Variants in DEPTOR observed in about 807,000 individuals in gnomAD.
DEPTOR encodes DEP domain containing MTOR interacting protein.
A neutral mutation model predicts 41.6 loss-of-function variants in DEPTOR; 41 were observed. The ratio of observed to expected loss-of-function variants is 0.98; its 90% CI spans 0.77 to 1.28. The LOEUF (loss-of-function observed/expected upper bound fraction) is 1.28, where lower values mean the gene tolerates loss of function less well. Among genes scored for constraint, DEPTOR ranks in the 50% most tolerant of loss-of-function variants. The pLI, the probability that DEPTOR is intolerant of heterozygous loss-of-function variation, is 0.00. For missense variants in DEPTOR, 514 were observed against 527.9 expected (o/e 0.97, Z 0.26); for synonymous variants, 195 against 192.3 (o/e 1.01, Z -0.12).
chr8:119,915,449 GACTTGC>G (rs1827799020), intron 1 of DEPTOR, among the ~76,000 whole-genome samples: 1 of 152,094 alleles, frequency 6.6e-6, no homozygotes, highest in Non-Finnish European at 1.5e-5. Context: ...TTCCAGAAAT[GACTTGC>G]AGGGCTGTCA....
chr8:119,935,177 G>A (rs915305569), intron 3 of DEPTOR, among the ~76,000 whole-genome samples: 3 of 152,096 alleles, frequency 2.0e-5, no homozygotes, highest in Non-Finnish European at 4.4e-5. Context: ...TTGTCTCTTC[G>A]GGAGGGGCTT....
intron 1 of DEPTOR, among the ~76,000 whole-genome samples, chr8:119,917,328 T>C (rs1298669857): frequency 1.3e-5 from 2 of 152,194 alleles, no homozygotes; most frequent in Non-Finnish European, 2.9e-5. Context: ...CATGCTTCCT[T>C]CCTTGTGGGG....
intron 8 of DEPTOR, among the ~76,000 whole-genome samples, chr8:120,048,535 A>G (rs1368824684): frequency 6.6e-6 from 1 of 152,226 alleles, no homozygotes; most frequent in East Asian, 1.9e-4. Flanking sequence ...AGAAACAGTA[A>G]TAGTGTGATC....
chr8:119,943,978 C>T (rs1244971464), intron 3 of DEPTOR, among the ~76,000 whole-genome samples: 2 of 152,088 alleles, frequency 1.3e-5, no homozygotes, highest in South Asian at 2.1e-4. Flanking sequence ...GCTGGGACTA[C>T]AGGCGCCCGC....
At chr8:119,927,133 A>G (rs1457096363) in intron 1 of DEPTOR, among the ~76,000 whole-genome samples, 2 of 152,168 alleles carry the variant, frequency 1.3e-5, no homozygotes, top group African/African-American at 4.8e-5. Flanking sequence ...AGGACAGGGA[A>G]AGGAGATAGG....
intron 8 of DEPTOR, among the ~76,000 whole-genome samples, chr8:120,038,617 GAAAT>G (rs1813014448): frequency 1.3e-5 from 2 of 150,328 alleles, no homozygotes; most frequent in African/African-American, 4.9e-5. Context: ...AAAGAAAAAA[GAAAT>G]AAATAAACAA....
At chr8:119,888,437 A>C (rs1224375833) in intron 1 of DEPTOR, among the ~76,000 whole-genome samples, 1 of 152,218 alleles carries the variant, frequency 6.6e-6, no homozygotes, top group African/African-American at 2.4e-5. Context: ...TGAAGCCAAA[A>C]GTTGACTCAA....
intron 3 of DEPTOR, among the ~76,000 whole-genome samples, chr8:119,954,005 C>G (rs1176197882): frequency 6.7e-6 from 1 of 149,910 alleles, no homozygotes; most frequent in East Asian, 2.0e-4. Context: ...GGGGTTTCAA[C>G]ATGTTGGCCA....
At chr8:119,881,079 T>G (rs1056487702) in intron 1 of DEPTOR, among the ~76,000 whole-genome samples, 1 of 152,244 alleles carries the variant, frequency 6.6e-6, no homozygotes, top group Admixed American at 6.5e-5. Context: ...TTCTTTCAAA[T>G]TGTTTGTCAC....
rs775459131 is a variant in DEPTOR, at chr8:119,873,829, C to T, written c.-18C>T. 2.5e-6 allele frequency: 4 copies of T among 1,609,092 alleles called. No individual in the cohort carries two copies. Among genetic ancestry groups the T allele is most frequent in the Non-Finnish European group, 3.4e-6 (4 of 1,177,790 alleles). On this transcript the variant is annotated 5_prime_UTR_variant, in exon 1 of 9. Transcript: ENST00000286234. ...CGGCGGACAGCGGAGCCAGTGGTAG[C>T]CGCACGGCCCTAAAACCATGGAGGA...
intron 1 of DEPTOR, among the ~76,000 whole-genome samples, chr8:119,926,907 G>C (rs568509416): frequency 1.4e-4 from 21 of 152,260 alleles, no homozygotes; most frequent in African/African-American, 4.8e-4. Context: ...CAGTAATAAA[G>C]CACATAAGAT....
chr8:119,943,947 C>G (rs1367839176), intron 3 of DEPTOR, among the ~76,000 whole-genome samples: 1 of 152,134 alleles, frequency 6.6e-6, no homozygotes, highest in African/African-American at 2.4e-5. Flanking sequence ...ACGCCATTCT[C>G]CTGCCTCAGC....
rs1813208252 is a variant in DEPTOR at position 120,049,780 on chromosome 8, G to C, written c.*76G>C. 6.4e-7 allele frequency: 1 copy of C among 1,571,800 alleles called. No individual in the cohort carries two copies. Among genetic ancestry groups the C allele is most frequent in the Non-Finnish European group, 8.7e-7 (1 of 1,153,706 alleles). Reference sequence around the variant, plus strand: ...ATGACACAAAGCAATGCAAAGACAAGATTGCCATGCAAATGGATGGTTTTG... The same window carrying C: ...ATGACACAAAGCAATGCAAAGACAACATTGCCATGCAAATGGATGGTTTTG... On this transcript the variant is annotated 3_prime_UTR_variant, in exon 9 of 9. Transcript: ENST00000286234.
intron 3 of DEPTOR, among the ~76,000 whole-genome samples, chr8:119,959,906 C>T (rs1389226063): frequency 6.6e-6 from 1 of 152,026 alleles, no homozygotes; most frequent in Non-Finnish European, 1.5e-5. Flanking sequence ...GATGCTTATA[C>T]CTTGTATACT....
chr8:120,028,384 G>A (rs185056835), intron 8 of DEPTOR, among the ~76,000 whole-genome samples: 88 of 150,572 alleles, frequency 5.8e-4, no homozygotes, highest in Non-Finnish European at 2.7e-4. Context: ...ACACATTTGG[G>A]AATTTATTAG....
intron 1 of DEPTOR, among the ~76,000 whole-genome samples, chr8:119,880,199 C>T (rs1827282315): frequency 6.8e-6 from 1 of 146,654 alleles, no homozygotes; most frequent in South Asian, 2.1e-4. Context: ...AGAAGCCCAA[C>T]AATATCACTA....
chr8:119,992,253 G>A (rs1436015267), intron 4 of DEPTOR, among the ~76,000 whole-genome samples: 1 of 152,190 alleles, frequency 6.6e-6, no homozygotes, highest in Non-Finnish European at 1.5e-5. Context: ...TTGTGCACTT[G>A]GTGAAGCAGT....
At chr8:119,922,704 C>G (rs1328314505) in intron 1 of DEPTOR, among the ~76,000 whole-genome samples, 1 of 152,172 alleles carries the variant, frequency 6.6e-6, no homozygotes, top group Non-Finnish European at 1.5e-5. Context: ...CACATAGATG[C>G]ATAAGATTAT....
intron 8 of DEPTOR, among the ~76,000 whole-genome samples, chr8:120,019,687 G>C (rs947873542): frequency 6.6e-6 from 1 of 152,240 alleles, no homozygotes. Flanking sequence ...ATGCCGGTCA[G>C]CCATGTCGTC....
Sources: gnomAD v4.1 joint callset for allele counts (sites outside exome capture counted in the v4.1 genomes callset) on GRCh38, gnomAD v4.1.1 for gene constraint, MANE v1.5 for transcripts, NCBI Gene and HGNC (gene_info 2026-07-23, HGNC 2026-07-21) for gene names.